LARP4B: variants seen among roughly 807,000 people sequenced by gnomAD.
LARP4B encodes La ribonucleoprotein 4B.
In LARP4B, 12 loss-of-function variants were observed where a neutral mutation model predicts 89.8. That is an observed-to-expected ratio of 0.13 (90% CI 0.09 to 0.22). The LOEUF (loss-of-function observed/expected upper bound fraction) is 0.22, where lower values mean the gene tolerates loss of function less well. LARP4B is among the 10% of genes least tolerant of loss of function. The pLI is 1.00. For synonymous variants in LARP4B, 367 were observed against 363.3 expected, an observed-to-expected ratio of 1.01 and a Z score of -0.12; for missense variants, 757 against 947.7, an observed-to-expected ratio of 0.80 and a Z score of 2.64.
chr10:830,817 A>G (rs1407771677), intron 9 of LARP4B, 50 bp downstream of exon 9: 16 of 829,470 alleles, frequency 1.9e-5, no homozygotes, highest in African/African-American at 5.2e-5. Context: ...CACTAATAGT[A>G]AAAACTGGTA....
At chr10:816,695 G>A (rs1735767605) in intron 15 of LARP4B, among the ~76,000 whole-genome samples, 1 of 152,234 alleles carries the variant, frequency 6.6e-6, no homozygotes, top group African/African-American at 2.4e-5. Context: ...CCTTAGAAAT[G>A]ACGGTGTGGA....
intron 1 of LARP4B, among the ~76,000 whole-genome samples, chr10:925,026 TGGTA>T (rs748156536): frequency 1.3e-5 from 2 of 152,240 alleles, no homozygotes; most frequent in Non-Finnish European, 2.9e-5. Context: ...GTAAATTATA[TGGTA>T]TGTTATAGTG....
At chr10:971,745 G>T in the LARP4B span, 19 of 152,358 alleles carry the variant, frequency 1.2e-4, no homozygotes, top group African/African-American at 4.6e-4. Context: ...CAAGCTTAGT[G>T]TAGCCACATG....
At chr10:904,026 C>G (rs1836417105) in intron 1 of LARP4B, among the ~76,000 whole-genome samples, 1 of 152,144 alleles carries the variant, frequency 6.6e-6, no homozygotes, top group Admixed American at 6.5e-5. Flanking sequence ...CAGCACTAAT[C>G]TGAAAATCTG....
chr10:935,949 G>A (rs1407244172), upstream of LARP4B, among the ~76,000 whole-genome samples: 1 of 149,754 alleles, frequency 6.7e-6, no homozygotes, highest in Non-Finnish European at 1.5e-5. Context: ...TCACCATGTT[G>A]GTCAGGCTGG....
downstream of LARP4B, chr10:809,176 A>C (rs1014592528): frequency 6.6e-6 from 1 of 152,274 alleles, no homozygotes; most frequent in Non-Finnish European, 1.5e-5. Context: ...GGATGAGTCC[A>C]TCACCATGAA....
chr10:860,326 A>G (rs1834534112), intron 5 of LARP4B, among the ~76,000 whole-genome samples: 1 of 152,184 alleles, frequency 6.6e-6, no homozygotes, highest in Non-Finnish European at 1.5e-5. Context: ...ACTGACCCTG[A>G]GGTCATAAGG....
the LARP4B span, among the ~76,000 whole-genome samples, chr10:960,132 A>C: frequency 3.3e-5 from 5 of 152,210 alleles, no homozygotes; most frequent in Non-Finnish European, 5.9e-5. Flanking sequence ...AGCCAATCTG[A>C]AAAGGCCACA....
In LARP4B at chr10:849,117, A is replaced by G. The variant is rs12254373; in HGVS notation, c.431-4062T>C. ...CCGGAGGAAGTGGAGCAAAACGCAA[A>G]GAAATCATTAAAACAGCGAAACAAA... On this transcript the variant is annotated intron_variant, in intron 5 of 17. Transcript: ENST00000316157. Among the ~76,000 whole-genome samples, 955 of 152,298 alleles carry G rather than the reference A, an allele frequency of 6.3e-3. 16 individuals carry two copies. Among genetic ancestry groups the G allele is most frequent in the African/African-American group, 0.022 (901 of 41,572 alleles).
intron 6 of LARP4B, among the ~76,000 whole-genome samples, chr10:844,346 G>GAGCC (rs1179099563): frequency 1.3e-5 from 2 of 152,186 alleles, no homozygotes; most frequent in Non-Finnish European, 2.9e-5. Context: ...GAGGCCAGCA[G>GAGCC]AGCCCCTCAC....
chr10:921,328 A>C (rs1277761158), intron 1 of LARP4B, among the ~76,000 whole-genome samples: 1 of 152,158 alleles, frequency 6.6e-6, no homozygotes, highest in East Asian at 1.9e-4. Flanking sequence ...TCCAGCATTT[A>C]TTTGCCTTGC....
chr10:813,750 G>C (rs1288132835), intron 17 of LARP4B, among the ~76,000 whole-genome samples: 2 of 151,870 alleles, frequency 1.3e-5, no homozygotes, highest in Non-Finnish European at 2.9e-5. Context: ...TTTCAGGTAA[G>C]TGGAAGCATA....
chr10:947,725 A>G, the LARP4B span, among the ~76,000 whole-genome samples: 1 of 151,858 alleles, frequency 6.6e-6, no homozygotes, highest in African/African-American at 2.4e-5. Context: ...AGGTTCAAGC[A>G]ATTCTCCTGC....
chr10:925,487 T>C (rs559690655), intron 1 of LARP4B, among the ~76,000 whole-genome samples: 1 of 152,246 alleles, frequency 6.6e-6, no homozygotes, highest in East Asian at 1.9e-4. Flanking sequence ...TAAAGCAAAA[T>C]AAAGGTAAGA....
At chr10:865,456 G>A (rs1295278448) in intron 3 of LARP4B, among the ~76,000 whole-genome samples, 1 of 152,164 alleles carries the variant, frequency 6.6e-6, no homozygotes. Context: ...TGCAGCCACA[G>A]CGCCCTCCTG....
At chr10:897,756 A>G (rs1836228788) in intron 1 of LARP4B, among the ~76,000 whole-genome samples, 1 of 152,080 alleles carries the variant, frequency 6.6e-6, no homozygotes, top group South Asian at 2.1e-4. Flanking sequence ...CCGAGGCCGA[A>G]GCAGGCAGAT....
chr10:819,725 T>C (rs927304045), intron 14 of LARP4B: 8 of 152,238 alleles, frequency 5.3e-5, no homozygotes, highest in African/African-American at 1.9e-4. Context: ...TAATTCCAAT[T>C]GCAATTAACT....
At chr10:888,125 G>C (rs1835916108) in intron 1 of LARP4B, among the ~76,000 whole-genome samples, 1 of 151,908 alleles carries the variant, frequency 6.6e-6, no homozygotes, top group Non-Finnish European at 1.5e-5. Flanking sequence ...TTCGAGACCA[G>C]CCTGGCCAAC....
In LARP4B at chr10:810,744, G is replaced by A. The variant is rs1831717553; in HGVS notation, c.*2182C>T. On this transcript the variant is annotated 3_prime_UTR_variant, in exon 18 of 18. Transcript: ENST00000316157. ...CCTCGAGGTTGCCTCCCAGCTTTCT[G>A]AGTATTGAGAGTTTGGGTTTCACAG... The A allele has an allele frequency of 6.6e-6, 1 of 151,822 alleles. No homozygotes were observed. Among genetic ancestry groups the A allele is most frequent in the Non-Finnish European group, 1.5e-5 (1 of 67,980 alleles). The allele number at this position is 151,822 out of a possible 1,614,324, so 9.4% of individuals were successfully genotyped here.
Sources: gnomAD v4.1 joint callset for allele counts (sites outside exome capture counted in the v4.1 genomes callset) on GRCh38, gnomAD v4.1.1 for gene constraint, MANE v1.5 for transcripts, NCBI Gene and HGNC (gene_info 2026-07-23, HGNC 2026-07-21) for gene names.